Variants in KCNA3 observed in about 807,000 individuals in gnomAD.
The protein encoded by KCNA3 is potassium voltage-gated channel subfamily A member 3.
A neutral mutation model predicts 34.3 loss-of-function variants in KCNA3; 18 were observed. The ratio of observed to expected loss-of-function variants is 0.52; its 90% confidence interval spans 0.36 to 0.78. The LOEUF is 0.78. KCNA3 is among the 30% of genes least tolerant of loss of function. The probability of loss-of-function intolerance (pLI) is 0.00; values close to 1 mark genes in which losing one functional copy is unlikely to be tolerated. For missense variants in KCNA3, 587 were observed against 802.5 expected, an observed-to-expected ratio of 0.73 and a Z score of 3.24; for synonymous variants, 324 against 351.7, an observed-to-expected ratio of 0.92 and a Z score of 0.88.
chr1:110,659,548 C>T, the KCNA3 span, among the ~76,000 whole-genome samples: 4 of 152,152 alleles, frequency 2.6e-5, no homozygotes, highest in Non-Finnish European at 5.9e-5. Context: ...CTGGTCAGTG[C>T]AGCTCTACAG....
chr1:110,672,253 T>C (rs920415311), downstream of KCNA3, among the ~76,000 whole-genome samples: 8 of 152,244 alleles, frequency 5.3e-5, no homozygotes, highest in African/African-American at 1.9e-4. Context: ...TCTGCCACTT[T>C]AATCTTCTTG....
downstream of KCNA3, among the ~76,000 whole-genome samples, chr1:110,667,472 C>A (rs568363675): frequency 6.6e-6 from 1 of 152,240 alleles, no homozygotes; most frequent in South Asian, 2.1e-4. Flanking sequence ...TTATTCATAA[C>A]ATTCTTTAGA....
the KCNA3 span, among the ~76,000 whole-genome samples, chr1:110,662,146 T>A: frequency 6.9e-6 from 1 of 144,744 alleles, no homozygotes; most frequent in African/African-American, 2.6e-5. Flanking sequence ...ATTCAGAATG[T>A]CTATATTAGT....
At chr1:110,668,521 C>T (rs1214065843), downstream of KCNA3, among the ~76,000 whole-genome samples, 1 of 152,020 alleles carries the variant, frequency 6.6e-6, no homozygotes, top group East Asian at 1.9e-4. Flanking sequence ...GCCAACAAAC[C>T]ATAACTTTAA....
chr1:110,673,326 T>C lies in KCNA3; in HGVS notation c.1484A>G (p.Glu495Gly). Residue 495 changes from glutamate (E) to glycine (G), a missense_variant, in exon 1 of 1, where the codon GAG (glutamate) becomes GGG (glycine). Coordinates refer to ENST00000369769, the MANE Select transcript of KCNA3 (RefSeq NM_002232.5). The surrounding 1 kb of genome is among the most constrained non-coding windows in gnomAD (Gnocchi z 8.8). The stretch of plus-strand genomic sequence containing the variant: ...TCCCACGTGCATGTACTGGGATTGC[T>C]CTTCCCCTTCTGTCTCCCGGTGGTA... ...YFYHRETEGE[E>G]QSQYMHVGSC... 6.2e-7 allele frequency: 1 copy of C among 1,614,008 alleles called. No individual in the cohort carries two copies. Among genetic ancestry groups the C allele is most frequent in the Non-Finnish European group, 8.5e-7 (1 of 1,180,020 alleles).
chr1:110,664,859 T>C, the KCNA3 span, among the ~76,000 whole-genome samples: 1 of 152,160 alleles, frequency 6.6e-6, no homozygotes, highest in Non-Finnish European at 1.5e-5. Context: ...GGCTTCAATG[T>C]GAAAGTTGCA....
chr1:110,665,338 G>T, the KCNA3 span, among the ~76,000 whole-genome samples: 2 of 152,290 alleles, frequency 1.3e-5, no homozygotes, highest in Non-Finnish European at 2.9e-5. Context: ...GTGGTAAGGC[G>T]TTTGAAACAT....
At chr1:110,670,774 A>T (rs1052039050), downstream of KCNA3, among the ~76,000 whole-genome samples, 1 of 152,138 alleles carries the variant, frequency 6.6e-6, no homozygotes, top group South Asian at 2.1e-4. Flanking sequence ...GTATATTTAG[A>T]TTTCTTGCCT....
chr1:110,671,219 G>C (rs1309193499), downstream of KCNA3, among the ~76,000 whole-genome samples: 2 of 152,094 alleles, frequency 1.3e-5, no homozygotes, highest in African/African-American at 4.8e-5. Flanking sequence ...ATAATTTTCA[G>C]TTTGGCTTGA....
the KCNA3 span, among the ~76,000 whole-genome samples, chr1:110,659,346 C>A: frequency 2.0e-5 from 3 of 152,134 alleles, no homozygotes; most frequent in Non-Finnish European, 4.4e-5. Context: ...GATGAAATGT[C>A]TTTTATATGC....
downstream of KCNA3, among the ~76,000 whole-genome samples, chr1:110,670,912 G>T (rs1049394747): frequency 1.3e-5 from 2 of 151,832 alleles, no homozygotes; most frequent in Non-Finnish European, 2.9e-5. Context: ...TAAAAATAGG[G>T]TTACTCTCAT....
Position 110,674,211 on chromosome 1 carries a change from T to A in KCNA3, c.599A>T (p.Asp200Val). ...CTCCTCCTCCCGCAGGAAGCCCTCGTCCTCGCGGAACTTCTCCATGGCCTC... is the reference window on the plus strand; with the variant it reads ...CTCCTCCTCCCGCAGGAAGCCCTCGACCTCGCGGAACTTCTCCATGGCCTC... ...GEEAMEKFRE[D>V]EGFLREEERP... Residue 200 changes from aspartate (D) to valine (V), a missense_variant, in exon 1 of 1, where the codon GAC (aspartate) becomes GTC (valine). Physicochemically the swap from Asp to Val is radical, Grantham distance 152. Transcript: ENST00000369769. The surrounding 1 kb of genome is among the most constrained non-coding windows in gnomAD (Gnocchi z 6.4). 6.2e-7 allele frequency: 1 copy of A among 1,613,350 alleles called. No individual in the cohort carries two copies. The highest frequency in any genetic ancestry group is 8.5e-7 in the Non-Finnish European group (1 of 1,179,602).
the KCNA3 span, chr1:110,656,779 T>C: frequency 6.6e-6 from 1 of 152,356 alleles, no homozygotes; most frequent in East Asian, 1.9e-4. Flanking sequence ...TAGCATTTCA[T>C]AGACAATTTT....
chr1:110,674,225 C>T lies in KCNA3; in HGVS notation c.585G>A (p.Glu195=), dbSNP rs1487462956. ...GGAAGCCCTCGTCCTCGCGGAACTTCTCCATGGCCTCCTCGCCCAGCTGGT... is the reference window on the plus strand; with the variant it reads ...GGAAGCCCTCGTCCTCGCGGAACTTTTCCATGGCCTCCTCGCCCAGCTGGT... ...RFYQLGEEAM[E]KFREDEGFLR... Residue 195 remains glutamate, a synonymous_variant, in exon 1 of 1, where the codon GAG becomes GAA. Coordinates refer to ENST00000369769, the MANE Select transcript of KCNA3 (RefSeq NM_002232.5). The surrounding 1 kb of genome is among the most constrained non-coding windows in gnomAD (Gnocchi z 6.4). 1 of 1,613,856 alleles carries T rather than the reference C, an allele frequency of 6.2e-7. No homozygotes were observed.
chr1:110,656,202 T>G, the KCNA3 span: 44 of 152,338 alleles, frequency 2.9e-4, 1 homozygote, highest in East Asian at 8.3e-3. Flanking sequence ...CTACAAAAAT[T>G]TAAAGAGAAG....
chr1:110,668,671 A>G (rs1651774128), downstream of KCNA3, among the ~76,000 whole-genome samples: 1 of 152,192 alleles, frequency 6.6e-6, no homozygotes, highest in Non-Finnish European at 1.5e-5. Context: ...ATTTTAAAAC[A>G]TCATAAAAGA....
At chr1:110,659,137 C>T in the KCNA3 span, among the ~76,000 whole-genome samples, 8 of 150,670 alleles carry the variant, frequency 5.3e-5, no homozygotes, top group Admixed American at 1.3e-4. Context: ...GAATATAACA[C>T]GACTATATCT....
chr1:110,665,348 T>C, the KCNA3 span, among the ~76,000 whole-genome samples: 1 of 152,160 alleles, frequency 6.6e-6, no homozygotes, highest in East Asian at 1.9e-4. Context: ...GTTTGAAACA[T>C]TTTAGAAGTG....
rs1248084995 is a variant in KCNA3, at chr1:110,674,233, C to A, written c.577G>T (p.Ala193Ser). 1.2e-6 allele frequency: 2 copies of A among 1,613,892 alleles called. No individual in the cohort carries two copies. The highest frequency in any genetic ancestry group is 3.3e-5 in the Admixed American group (2 of 60,028). Residue 193 changes from alanine (A) to serine (S), a missense_variant, in exon 1 of 1, where the codon GCC (alanine) becomes TCC (serine). By Grantham distance (99) the Ala-to-Ser change is moderately conservative. Coordinates refer to ENST00000369769, the MANE Select transcript of KCNA3 (RefSeq NM_002232.5). This position sits in a 1 kb window ranked among gnomAD's most constrained non-coding sequence, Gnocchi z 6.4. ...EIRFYQLGEEAMEKFREDEGF... is the reference protein window; with the variant it reads ...EIRFYQLGEESMEKFREDEGF... ...TCGTCCTCGCGGAACTTCTCCATGG[C>A]CTCCTCGCCCAGCTGGTAGAAGCGG...
Sources: allele counts gnomAD v4.1 joint callset (sites outside exome capture counted in the v4.1 genomes callset), GRCh38; gene constraint gnomAD v4.1.1; non-coding constraint Gnocchi (gnomAD v3.1); transcripts MANE v1.5; gene names NCBI Gene and HGNC (gene_info 2026-07-23, HGNC 2026-07-21).